The following KPNA7 variants were observed in gnomAD, a reference collection of about 807,000 sequenced individuals.
KPNA7 encodes the protein importin subunit alpha-8.
Under a neutral mutation model 53.7 loss-of-function variants are expected in KPNA7, and 54 were observed. The observed-to-expected ratio is 1.01, with a 90% CI of 0.81 to 1.26. The LOEUF is 1.26. Ranked by LOEUF, KPNA7 falls within the 50% of genes most tolerant of loss-of-function variation. The probability of loss-of-function intolerance (pLI) is 0.00; values close to 1 mark genes in which losing one functional copy is unlikely to be tolerated. For missense variants in KPNA7, 640 were observed against 644.5 expected, an observed-to-expected ratio of 0.99 and a Z score of 0.07; for synonymous variants, 276 against 259.3, an observed-to-expected ratio of 1.06 and a Z score of -0.62.
At position 99,203,200 on chromosome 7, in the gene KPNA7, C is replaced by G; in HGVS notation, c.107G>C (p.Arg36Pro). Reference protein sequence around the residue: ...QQRMAVSLELRKAKKDEQTLK... With the variant: ...QQRMAVSLELPKAKKDEQTLK... ...GGTCTGTTCATCTTTCTTGGCCTTTCGGAGCTCCAGACTGACCGCCATCCT... is the reference window on the plus strand; with the variant it reads ...GGTCTGTTCATCTTTCTTGGCCTTTGGGAGCTCCAGACTGACCGCCATCCT... Residue 36 changes from arginine to proline, a missense_variant, in exon 3 of 11, where the codon CGA (arginine) becomes CCA (proline). Coordinates refer to ENST00000327442, the MANE Select transcript of KPNA7 (RefSeq NM_001145715.3). The G allele has an allele frequency of 6.4e-7, 1 of 1,551,644 alleles. No homozygotes were observed. The highest frequency in any genetic ancestry group is 2.0e-5 in the Admixed American group (1 of 50,988).
At chr7:99,155,498 A>G in the KPNA7 span, among the ~76,000 whole-genome samples, 2 of 151,410 alleles carry the variant, frequency 1.3e-5, no homozygotes, top group African/African-American at 4.9e-5. Flanking sequence ...TTTCTTACAC[A>G]TTTTTTTTTC....
intron 9 of KPNA7, 106 bp from the exon 10 acceptor site, chr7:99,178,172 G>T (rs1335211398): frequency 1.1e-5 from 11 of 957,136 alleles, no homozygotes; most frequent in Non-Finnish European, 1.7e-5. Flanking sequence ...CAGACCAAAG[G>T]CTACCATTCC....
intron 2 of KPNA7, among the ~76,000 whole-genome samples, chr7:99,206,229 C>T (rs1028862204): frequency 4.2e-4 from 64 of 152,024 alleles, no homozygotes; most frequent in Non-Finnish European, 2.2e-4. Context: ...GGCACAATCT[C>T]GACTCACTGC....
chr7:99,156,513 T>C, the KPNA7 span, among the ~76,000 whole-genome samples: 2 of 152,142 alleles, frequency 1.3e-5, no homozygotes, highest in Non-Finnish European at 2.9e-5. Flanking sequence ...AGATTTACTT[T>C]CTTCAATTCT....
the KPNA7 span, among the ~76,000 whole-genome samples, chr7:99,161,169 G>T: frequency 5.6e-4 from 84 of 150,426 alleles, no homozygotes; most frequent in Non-Finnish European, 1.3e-4. Context: ...CTAAGATTAG[G>T]TTATAAAGGA....
At chr7:99,186,670 G>A (rs148873898) in intron 7 of KPNA7, among the ~76,000 whole-genome samples, 1 of 152,120 alleles carries the variant, frequency 6.6e-6, no homozygotes, top group East Asian at 1.9e-4. Context: ...TTGAACCCAG[G>A]AGACAGAGGT....
Position 99,195,192 on chromosome 7 carries a change from C to A in KPNA7, c.431G>T (p.Gly144Val), listed in dbSNP as rs1317942318. The change falls in exon 5 of 11, where the codon GGG becomes GTG. Residue 144 changes from glycine to valine, a missense_variant. Physicochemically the swap from Gly to Val is moderately radical, Grantham distance 109. Transcript: ENST00000327442. ...CACGGCACGAGTCTGCTCCGAAGTC[C>A]CTGAAGCGATGTTGGTCAGGGCCCA... ...AAWALTNIAS[G>V]TSEQTRAVVE... The A allele has an allele frequency of 6.4e-7, 1 of 1,551,552 alleles. No individual in the cohort carries two copies. The highest frequency in any genetic ancestry group is 1.4e-5 in the African/African-American group (1 of 73,092).
chr7:99,195,440 G>A (rs1219674651), intron 4 of KPNA7, 102 bp from the exon 5 acceptor site: 29 of 1,127,896 alleles, frequency 2.6e-5, no homozygotes, highest in Non-Finnish European at 3.5e-5. Context: ...TGTAATCTCA[G>A]CACTTTGGGA....
At chr7:99,152,404 A>C in the KPNA7 span, among the ~76,000 whole-genome samples, 1 of 151,924 alleles carries the variant, frequency 6.6e-6, no homozygotes, top group Non-Finnish European at 1.5e-5. Flanking sequence ...GAAAAAAAAA[A>C]GTAAAAATGA....
At chr7:99,216,389 T>TG (rs1791217546) in intron 1 of KPNA7, among the ~76,000 whole-genome samples, 1 of 152,096 alleles carries the variant, frequency 6.6e-6, no homozygotes, top group Non-Finnish European at 1.5e-5. Context: ...GCCGAACTAG[T>TG]GATTAAGACA....
chr7:99,164,476 C>T, the KPNA7 span, among the ~76,000 whole-genome samples: 5 of 151,664 alleles, frequency 3.3e-5, no homozygotes, highest in Non-Finnish European at 5.9e-5. Flanking sequence ...CATCACACTC[C>T]GGGGACTGTT....
chr7:99,215,213 A>G (rs1435673190), intron 1 of KPNA7, among the ~76,000 whole-genome samples: 2 of 151,726 alleles, frequency 1.3e-5, no homozygotes, highest in East Asian at 3.9e-4. Flanking sequence ...CTCTACTAAA[A>G]ATACAAAAAT....
the KPNA7 span, among the ~76,000 whole-genome samples, chr7:99,155,994 C>G: frequency 6.6e-6 from 1 of 152,264 alleles, no homozygotes; most frequent in East Asian, 1.9e-4. Flanking sequence ...CTACCTGGAG[C>G]TCGCTGCCTG....
At chr7:99,164,137 G>C in the KPNA7 span, among the ~76,000 whole-genome samples, 1 of 149,880 alleles carries the variant, frequency 6.7e-6, no homozygotes, top group Non-Finnish European at 1.5e-5. Flanking sequence ...CCCATTACTG[G>C]GTATATACCC....
the KPNA7 span, among the ~76,000 whole-genome samples, chr7:99,163,381 A>AT: frequency 0.02 from 1,158 of 58,742 alleles, 55 homozygotes; most frequent in Non-Finnish European, 0.021. Context: ...ATATATATAT[A>AT]TATTTTTTTT....
At position 99,196,174 on chromosome 7, in the gene KPNA7, A is replaced by G. The variant is rs144059555; in HGVS notation, c.202-8T>C. 161 of 1,547,702 alleles carry G rather than the reference A, an allele frequency of 1.0e-4. 1 individual carries two copies. In the East Asian group the frequency reaches 3.7e-3, roughly 35 times the overall value. On this transcript the variant is annotated splice_polypyrimidine_tract_variant and splice_region_variant and intron_variant, in intron 3 of 10. Transcript: ENST00000327442. ...ACCCAGAGTGAGGCTGACCTGCAAG[A>G]AGAGACACATTCAGGTCAGACTGTC...
chr7:99,172,535 G>A (rs917352437), downstream of KPNA7, among the ~76,000 whole-genome samples: 25 of 152,066 alleles, frequency 1.6e-4, no homozygotes, highest in African/African-American at 6.0e-4. Flanking sequence ...ACCATAGTAA[G>A]ACCCCATCTC....
chr7:99,175,946 A>G (rs899049106), intron 10 of KPNA7, among the ~76,000 whole-genome samples: 1 of 152,158 alleles, frequency 6.6e-6, no homozygotes. Context: ...GTCACTCTGT[A>G]AACTCCTAGC....
chr7:99,184,783 T>C (rs1789489341), intron 8 of KPNA7, 146 bp downstream of exon 8: 3 of 701,024 alleles, frequency 4.3e-6, no homozygotes, highest in South Asian at 3.4e-5. Flanking sequence ...CCTTCCTTTT[T>C]TTCAGGCAAA....
Sources: gnomAD v4.1 joint callset for allele counts (sites outside exome capture counted in the v4.1 genomes callset) on GRCh38, gnomAD v4.1.1 for gene constraint, MANE v1.5 for transcripts, NCBI Gene and HGNC (gene_info 2026-07-23, HGNC 2026-07-21) for gene names.